GARRE1: variants seen among roughly 807,000 people sequenced by gnomAD.
GARRE1 encodes granule associated Rac and RHOG effector protein 1.
In GARRE1, 49 loss-of-function variants were observed where a neutral mutation model predicts 103.2. That is an observed-to-expected ratio of 0.47 (90% confidence interval 0.38 to 0.60). The LOEUF (loss-of-function observed/expected upper bound fraction) is 0.60, where lower values mean the gene tolerates loss of function less well. Among genes scored for constraint, GARRE1 ranks in the 20% least tolerant of loss-of-function variants. GARRE1 has a pLI of 0.00. For missense variants in GARRE1, 1,199 were observed against 1,370.5 expected (o/e 0.87, Z 1.98); for synonymous variants, 505 against 532.8 (o/e 0.95, Z 0.72).
intron 1 of GARRE1, among the ~76,000 whole-genome samples, chr19:34,274,700 C>T (rs1361299324): frequency 6.6e-6 from 1 of 152,074 alleles, no homozygotes; most frequent in African/African-American, 2.4e-5. Flanking sequence ...ACAGAGAGGG[C>T]ATAGCACTTA....
At chr19:34,283,977 G>A (rs1393433115) in intron 1 of GARRE1, among the ~76,000 whole-genome samples, 6 of 147,298 alleles carry the variant, frequency 4.1e-5, no homozygotes, top group East Asian at 2.0e-4. Context: ...GACTACAGGC[G>A]CCCGCCACCA....
chr19:34,313,244 A>G (rs981976897), intron 2 of GARRE1, among the ~76,000 whole-genome samples: 1 of 152,026 alleles, frequency 6.6e-6, no homozygotes, highest in Non-Finnish European at 1.5e-5. Context: ...GGAAGAGCGT[A>G]GCTGGAGAAT....
At position 34,341,554 on chromosome 19, in the gene GARRE1, A is replaced by T; in HGVS notation, c.1620A>T (p.Thr540=). The change falls in exon 10 of 14, where the codon ACA becomes ACT. Residue 540 remains threonine (T), a synonymous_variant. Coordinates refer to ENST00000299505, the MANE Select transcript of GARRE1 (RefSeq NM_014686.5). ...GGLQKTFSKL[T]SRFTKKASCT... ...TGCAGAAGACATTCTCCAAACTGAC[A>T]TCCCGGTTCACCAAGAAAGCTTCAT... The T allele has an allele frequency of 6.2e-7, 1 of 1,614,178 alleles. No homozygotes were observed. Among genetic ancestry groups the T allele is most frequent in the Non-Finnish European group, 8.5e-7 (1 of 1,180,038 alleles).
intron 2 of GARRE1, among the ~76,000 whole-genome samples, chr19:34,302,453 C>T (rs553604755): frequency 1.1e-4 from 16 of 151,792 alleles, no homozygotes; most frequent in South Asian, 2.1e-4. Flanking sequence ...CCACCACACC[C>T]GGCTAACTTT....
intron 3 of GARRE1, among the ~76,000 whole-genome samples, chr19:34,327,026 G>A (rs373976951): frequency 6.6e-6 from 1 of 151,840 alleles, no homozygotes; most frequent in Non-Finnish European, 1.5e-5. Context: ...GCAGTGGTGG[G>A]TGCCTGTAAT....
chr19:34,342,493 GC>G, intron 10 of GARRE1, 38 bp downstream of exon 10: 3 of 1,558,842 alleles, frequency 1.9e-6, no homozygotes, highest in Non-Finnish European at 2.6e-6. Context: ...AGTGTCAACA[GC>G]AAATGCAACT....
intron 1 of GARRE1, among the ~76,000 whole-genome samples, chr19:34,289,728 A>AT (rs897125218): frequency 5.3e-5 from 8 of 151,966 alleles, no homozygotes; most frequent in South Asian, 2.1e-4. Context: ...GTCTCAAAAA[A>AT]AAAAATAAAA....
intron 1 of GARRE1, among the ~76,000 whole-genome samples, chr19:34,276,192 C>T (rs577139827): frequency 1.4e-4 from 21 of 152,062 alleles, no homozygotes; most frequent in African/African-American, 3.6e-4. Context: ...TACAGGTGTG[C>T]GCCACCACGC....
In GARRE1 at chr19:34,342,037, G is replaced by A; in HGVS notation, c.2103G>A (p.Arg701=). 2 of 1,614,022 alleles carry A rather than the reference G, an allele frequency of 1.2e-6. No individual in the cohort carries two copies. Among genetic ancestry groups the A allele is most frequent in the African/African-American group, 2.7e-5 (2 of 75,032 alleles). Residue 701 remains arginine, a synonymous_variant, in exon 10 of 14, where the codon CGG becomes CGA. Transcript: ENST00000299505. ...CACTGCCTGTGCCCCCTCCACCACG[G>A]GCACCCCAGGCTGGGGCACACACAC... is the stretch of plus-strand genomic sequence containing the variant. ...QPSLPVPPPP[R]APQAGAHTPL...
Position 34,300,464 on chromosome 19 carries a change from C to T in GARRE1, c.-10C>T, listed in dbSNP as rs1280189843. ...CCACTTACGGTTGCTGGGACAATTC[C>T]CCCTCCCGCATGTATTGCTGCAGTG... is the stretch of plus-strand genomic sequence containing the variant. On this transcript the variant is annotated 5_prime_UTR_variant, in exon 2 of 14. Transcript: ENST00000299505. 2.0e-6 allele frequency: 3 copies of T among 1,535,990 alleles called. No homozygotes were observed. Among genetic ancestry groups the T allele is most frequent in the Admixed American group, 4.1e-5 (2 of 48,730 alleles).
In GARRE1 at chr19:34,328,135, A is replaced by G. The variant is rs974417940; in HGVS notation, c.1088A>G (p.Asn363Ser). The change falls in exon 6 of 14, where the codon AAT becomes AGT. Residue 363 changes from asparagine (N) to serine (S), a missense_variant. Physicochemically the swap from Asn to Ser is conservative, Grantham distance 46. Transcript: ENST00000299505. ...TCCTTTAATGAGTCGGCCGCCGACA[A>G]TCTGAAACTTAAGACGGTAGCTTTC... is the stretch of plus-strand genomic sequence containing the variant. The part of the protein sequence containing the change: ...GVSFNESAAD[N>S]LKLKTHTMLQ... 1.2e-6 allele frequency: 2 copies of G among 1,613,908 alleles called. No homozygotes were observed. The highest frequency in any genetic ancestry group is 1.7e-6 in the Non-Finnish European group (2 of 1,180,038).
chr19:34,286,124 C>T (rs1249110739), intron 1 of GARRE1, among the ~76,000 whole-genome samples: 3 of 152,190 alleles, frequency 2.0e-5, no homozygotes, highest in Non-Finnish European at 2.9e-5. Context: ...TTGAGCTTAA[C>T]AGCCAGAGAC....
At chr19:34,286,967 A>G (rs1490521150) in intron 1 of GARRE1, among the ~76,000 whole-genome samples, 2 of 151,860 alleles carry the variant, frequency 1.3e-5, no homozygotes, top group African/African-American at 2.4e-5. Flanking sequence ...GGAACTTGTT[A>G]AAAAAGTGTA....
At chr19:34,255,367 G>C (rs185909392) in intron 1 of GARRE1, among the ~76,000 whole-genome samples, 16 of 152,198 alleles carry the variant, frequency 1.1e-4, no homozygotes, top group African/African-American at 3.6e-4. Context: ...CAGCTTTGGG[G>C]GCCTCCAGTT....
chr19:34,336,641 T>C (rs1036954635), intron 8 of GARRE1, among the ~76,000 whole-genome samples: 2 of 152,112 alleles, frequency 1.3e-5, no homozygotes, highest in East Asian at 1.9e-4. Context: ...CTAATAACTT[T>C]TGTGTTTTTA....
At chr19:34,295,705 AT>A (rs34897174) in intron 1 of GARRE1, among the ~76,000 whole-genome samples, 14,761 of 151,886 alleles carry the variant, frequency 0.097, 1,138 homozygotes, top group African/African-American at 0.21. Flanking sequence ...AATTTTTTAA[AT>A]TTTTTGTAGA....
intron 7 of GARRE1, 73 bp from the exon 8 acceptor site, chr19:34,333,631 G>A: frequency 1.1e-6 from 1 of 926,778 alleles, no homozygotes. Context: ...TTTATGTATT[G>A]GATTTTATTC....
Position 34,327,558 on chromosome 19 carries a change from G to C in GARRE1, c.843G>C (p.Leu281Phe). ...TGAACATAAAAATCGACAGTGCTTT[G>C]CAAGTAAGTTTTTCAGAACTGACAT... ...KELNIKIDSALQAYKIALESL... is the reference protein window; with the variant it reads ...KELNIKIDSAFQAYKIALESL... The change falls in exon 4 of 14, where the codon TTG becomes TTC. Residue 281 changes from leucine to phenylalanine, a missense_variant. By Grantham distance (22) the Leu-to-Phe change is conservative. Transcript: ENST00000299505. 2 of 1,613,558 alleles carry C rather than the reference G, an allele frequency of 1.2e-6. No individual in the cohort carries two copies. The highest frequency in any genetic ancestry group is 1.7e-6 in the Non-Finnish European group (2 of 1,179,876).
chr19:34,328,134 A>G lies in GARRE1; in HGVS notation c.1087A>G (p.Asn363Asp), dbSNP rs1599775169. The G allele has an allele frequency of 1.9e-6, 3 of 1,614,014 alleles. No individual in the cohort carries two copies. The stretch of plus-strand genomic sequence containing the variant: ...CTCCTTTAATGAGTCGGCCGCCGAC[A>G]ATCTGAAACTTAAGACGGTAGCTTT... ...GVSFNESAAD[N>D]LKLKTHTMLQ... is the part of the protein sequence containing the mutation. The change falls in exon 6 of 14, where the codon AAT (asparagine) becomes GAT (aspartate). Residue 363 changes from asparagine to aspartate, a missense_variant. Transcript: ENST00000299505.
Sources: allele counts gnomAD v4.1 joint callset (sites outside exome capture counted in the v4.1 genomes callset), GRCh38; gene constraint gnomAD v4.1.1; transcripts MANE v1.5; gene names NCBI Gene and HGNC (gene_info 2026-07-23, HGNC 2026-07-21).